The following RARB variants were observed in gnomAD, a reference collection of about 807,000 sequenced individuals.
RARB encodes the protein retinoic acid receptor beta.
RARB carries 17 observed loss-of-function variants against 51.9 expected under a neutral mutation model. The ratio of observed to expected loss-of-function variants is 0.33; its 90% CI spans 0.22 to 0.49. RARB has a LOEUF of 0.49. Among genes scored for constraint, RARB ranks in the 20% least tolerant of loss-of-function variants. RARB has a pLI of 0.99. For synonymous variants in RARB, 215 were observed against 195.4 expected (o/e 1.10, Z -0.84); for missense variants, 369 against 550.8 (o/e 0.67, Z 3.30).
chr3:24,911,295 T>A (rs1407397416), intron 2 of RARB, among the ~76,000 whole-genome samples: 1 of 152,178 alleles, frequency 6.6e-6, no homozygotes, highest in Admixed American at 6.6e-5. Flanking sequence ...ATTGACAGGA[T>A]TGTTCTGTTC....
intron 1 of RARB, among the ~76,000 whole-genome samples, chr3:25,460,570 C>A (rs985768585): frequency 6.6e-6 from 1 of 151,988 alleles, no homozygotes; most frequent in Admixed American, 6.6e-5. Flanking sequence ...GCCTCAGCCT[C>A]CTGAGTAGCT....
At chr3:25,442,892 T>G (rs925855031) in intron 1 of RARB, among the ~76,000 whole-genome samples, 1 of 152,142 alleles carries the variant, frequency 6.6e-6, no homozygotes, top group African/African-American at 2.4e-5. Flanking sequence ...ACCTGCTTGG[T>G]TTTGAGATGG....
chr3:24,962,284 G>C (rs756405486), intron 2 of RARB, among the ~76,000 whole-genome samples: 28 of 151,984 alleles, frequency 1.8e-4, no homozygotes, highest in Non-Finnish European at 2.6e-4. Context: ...CTCAACCTTG[G>C]CACTGTTGAC....
At chr3:25,366,810 A>T (rs1706133949) in intron 5 of RARB, among the ~76,000 whole-genome samples, 1 of 152,166 alleles carries the variant, frequency 6.6e-6, no homozygotes, top group African/African-American at 2.4e-5. Context: ...CATTTCCTAA[A>T]TATTATCCTT....
chr3:25,430,485 C>T (rs1325546361), intron 1 of RARB, among the ~76,000 whole-genome samples: 7 of 152,110 alleles, frequency 4.6e-5, no homozygotes, highest in African/African-American at 9.7e-5. Context: ...TCAGGATCCT[C>T]GCCAAAAGTT....
At chr3:25,579,811 A>G (rs7634326) in intron 4 of RARB, among the ~76,000 whole-genome samples, 11,942 of 152,224 alleles carry the variant, frequency 0.078, 889 homozygotes, top group African/African-American at 0.19. Context: ...CTAGAGTCTC[A>G]GTCAGATTCA....
intron 7 of RARB, 114 bp downstream of exon 7, chr3:25,594,792 C>A: frequency 1.1e-6 from 1 of 920,350 alleles, no homozygotes; most frequent in Non-Finnish European, 1.5e-6. Context: ...AGTCTTGGAA[C>A]TCATTTCTCA....
intron 3 of RARB, among the ~76,000 whole-genome samples, chr3:25,568,492 C>T (rs1700582568): frequency 6.6e-6 from 1 of 152,038 alleles, no homozygotes. Context: ...TAGTAGGACT[C>T]ACCTCCCTTT....
chr3:25,596,975 C>G lies in RARB; in HGVS notation c.*359C>G, dbSNP rs1208819195. The G allele has an allele frequency of 3.4e-5, 6 of 175,930 alleles. No individual in the cohort carries two copies. The highest frequency in any genetic ancestry group is 7.2e-5 in the Non-Finnish European group (6 of 82,906). The allele number at this position is 175,930 out of a possible 1,614,324, so 10.9% of individuals were successfully genotyped here. ...ATACAGAAGTATGGCTCTGTTCTTT[C>G]TATACTGTATGTTTGGTGCTTTCCT... On this transcript the variant is annotated 3_prime_UTR_variant, in exon 8 of 8. Coordinates refer to ENST00000330688, the MANE Select transcript of RARB (RefSeq NM_000965.5).
At chr3:24,916,964 A>G (rs1263773967) in intron 2 of RARB, among the ~76,000 whole-genome samples, 2 of 152,308 alleles carry the variant, frequency 1.3e-5, no homozygotes, top group East Asian at 1.9e-4. Context: ...AACTGTACAC[A>G]TTCAATTATT....
intron 2 of RARB, among the ~76,000 whole-genome samples, chr3:24,958,255 G>GTTTTTTTTTTT (rs71057692): frequency 2.2e-4 from 15 of 69,466 alleles, no homozygotes; most frequent in South Asian, 7.4e-4. Context: ...AGCTGCTCAG[G>GTTTTTTTTTTT]TTTTTTTTTT....
At chr3:25,345,674 A>G (rs1410163785) in intron 5 of RARB, among the ~76,000 whole-genome samples, 1 of 151,334 alleles carries the variant, frequency 6.6e-6, no homozygotes, top group Non-Finnish European at 1.5e-5. Context: ...CAAAAAAAAA[A>G]AAAAAAAAAA....
intron 2 of RARB, among the ~76,000 whole-genome samples, chr3:24,890,326 A>C (rs1195631258): frequency 6.6e-6 from 1 of 152,170 alleles, no homozygotes; most frequent in Non-Finnish European, 1.5e-5. Flanking sequence ...AAGGTGTTGA[A>C]GTTCTTTAGA....
At chr3:25,568,398 A>G (rs1008070603) in intron 3 of RARB, among the ~76,000 whole-genome samples, 4 of 152,290 alleles carry the variant, frequency 2.6e-5, no homozygotes, top group African/African-American at 9.6e-5. Flanking sequence ...ACCATGTTCA[A>G]GGGACTCAAA....
chr3:24,946,082 G>A (rs886487766), intron 2 of RARB, among the ~76,000 whole-genome samples: 4 of 151,862 alleles, frequency 2.6e-5, no homozygotes, highest in South Asian at 4.2e-4. Context: ...TGGCTAACAC[G>A]GTGAAACCCT....
At chr3:25,405,866 G>T (rs1043477998) in intron 5 of RARB, among the ~76,000 whole-genome samples, 1 of 152,184 alleles carries the variant, frequency 6.6e-6, no homozygotes, top group African/African-American at 2.4e-5. Context: ...ATGTGGCATA[G>T]GAGCCAGCTC....
At chr3:24,960,541 C>T (rs1203045613) in intron 2 of RARB, among the ~76,000 whole-genome samples, 1 of 152,134 alleles carries the variant, frequency 6.6e-6, no homozygotes, top group Non-Finnish European at 1.5e-5. Flanking sequence ...CAGAGTAAGG[C>T]AGAGGAAGTG....
chr3:25,496,615 C>G (rs1233489313), intron 2 of RARB, among the ~76,000 whole-genome samples: 1 of 152,158 alleles, frequency 6.6e-6, no homozygotes, highest in African/African-American at 2.4e-5. Context: ...ACCTATGTAA[C>G]CTCTAAAGCA....
chr3:25,045,443 T>C (rs1001695594), intron 2 of RARB, among the ~76,000 whole-genome samples: 1 of 152,186 alleles, frequency 6.6e-6, no homozygotes, highest in Non-Finnish European at 1.5e-5. Flanking sequence ...GGACAGCCTG[T>C]TGGCTCCCTT....
Sources: allele counts gnomAD v4.1 joint callset (sites outside exome capture counted in the v4.1 genomes callset), GRCh38; gene constraint gnomAD v4.1.1; transcripts MANE v1.5; gene names NCBI Gene and HGNC (gene_info 2026-07-23, HGNC 2026-07-21).